ATL1: variants seen among roughly 807,000 people sequenced by gnomAD.
ATL1 encodes atlastin-1.
ATL1 carries 31 observed loss-of-function variants against 75.5 expected under a neutral mutation model. The observed-to-expected ratio is 0.41, with a 90% CI of 0.31 to 0.55. The LOEUF is 0.55. ATL1 is among the 20% of genes least tolerant of loss of function. The pLI is 0.27. For missense variants in ATL1, 405 were observed against 662.6 expected (o/e 0.61, Z 4.27); for synonymous variants, 226 against 233.3 (o/e 0.97, Z 0.28).
intron 1 of ATL1, among the ~76,000 whole-genome samples, chr14:50,565,905 C>T (rs2038898718): frequency 6.6e-6 from 1 of 152,152 alleles, no homozygotes; most frequent in Non-Finnish European, 1.5e-5. Context: ...AAGGAATGAG[C>T]ACCTGTGCCC....
At chr14:50,563,706 T>C (rs1566715323) in intron 1 of ATL1, among the ~76,000 whole-genome samples, 1 of 152,226 alleles carries the variant, frequency 6.6e-6, no homozygotes. Flanking sequence ...AAAGCATCTC[T>C]GCTGACTGCT....
chr14:50,593,673 T>G (rs1338248355), intron 4 of ATL1, among the ~76,000 whole-genome samples, 173 bp from the exon 5 acceptor site: 1 of 152,218 alleles, frequency 6.6e-6, no homozygotes, highest in African/African-American at 2.4e-5. Flanking sequence ...CATTCCTTAT[T>G]GTCTCTCAAG....
At chr14:50,604,021 T>C (rs1259457506) in intron 6 of ATL1, among the ~76,000 whole-genome samples, 1 of 152,250 alleles carries the variant, frequency 6.6e-6, no homozygotes, top group African/African-American at 2.4e-5. Context: ...ATTTATTGCA[T>C]GCTTATTTTG....
At chr14:50,556,148 T>A (rs1595576579), upstream of ATL1, among the ~76,000 whole-genome samples, 1 of 152,238 alleles carries the variant, frequency 6.6e-6, no homozygotes. Context: ...TTTGACTTTT[T>A]AAAAACATTT....
intron 1 of ATL1, among the ~76,000 whole-genome samples, chr14:50,539,375 G>A (rs1347002106): frequency 6.6e-6 from 1 of 152,198 alleles, no homozygotes; most frequent in Non-Finnish European, 1.5e-5. Flanking sequence ...AAGACAAATA[G>A]CTTTGGGTTC....
chr14:50,632,010 T>G (rs957479451), intron 13 of ATL1: 3 of 373,954 alleles, frequency 8.0e-6, no homozygotes, highest in African/African-American at 6.3e-5. Context: ...AGTTTGAGAA[T>G]AAAACATTCA....
At position 50,560,161 on chromosome 14, in the gene ATL1, G is replaced by C; in HGVS notation, c.-105G>C. ...AACATCCTCAGAGTCTGAGCGAACT[G>C]CGCCCAGCGCGGGCACGGAGCCTCC... On this transcript the variant is annotated 5_prime_UTR_variant, in exon 1 of 14. Coordinates refer to ENST00000358385, the MANE Select transcript of ATL1 (RefSeq NM_015915.5). 1 of 1,387,810 alleles carries C rather than the reference G, an allele frequency of 7.2e-7. No individual in the cohort carries two copies. The highest frequency in any genetic ancestry group is 1.2e-5 in the South Asian group (1 of 82,442). 86.0% of individuals were successfully genotyped at this position (1,387,810 alleles called of 1,614,324 possible). A position where few individuals can be genotyped will look rare whatever the true frequency, so the allele number is the denominator to read the frequency against.
chr14:50,615,255 C>T (rs543848038), intron 8 of ATL1, among the ~76,000 whole-genome samples: 6 of 152,152 alleles, frequency 3.9e-5, no homozygotes, highest in Non-Finnish European at 8.8e-5. Context: ...AACTTGAAAG[C>T]GTAGTGTTGA....
At chr14:50,545,319 C>T (rs531709483) in intron 1 of ATL1, among the ~76,000 whole-genome samples, 2 of 152,282 alleles carry the variant, frequency 1.3e-5, no homozygotes, top group Middle Eastern at 6.8e-3. Context: ...TCAGCTCCCT[C>T]CCAGTTTGGG....
At chr14:50,599,996 T>TA (rs1555364534) in intron 6 of ATL1, among the ~76,000 whole-genome samples, 2 of 149,860 alleles carry the variant, frequency 1.3e-5, no homozygotes, top group Non-Finnish European at 3.0e-5. Flanking sequence ...TTTTTTTTTT[T>TA]ATCATTTGTT....
rs752100593 is a variant in ATL1, at chr14:50,628,345, TATG to T, written c.1437_1439del (p.Met479del). The T allele has an allele frequency of 6.2e-7, 1 of 1,614,170 alleles. No individual in the cohort carries two copies. The highest frequency in any genetic ancestry group is 8.5e-7 in the Non-Finnish European group (1 of 1,180,018). On this transcript the variant is annotated inframe_deletion, in exon 12 of 14. Transcript: ENST00000358385. ...TGGACATCATAGCTAGCCTATGCAA[TATG>T]ATAATGGGACTGACCCTTATCACCC...
chr14:50,622,338 G>T (rs1002912518), intron 10 of ATL1, among the ~76,000 whole-genome samples: 1 of 152,132 alleles, frequency 6.6e-6, no homozygotes, highest in African/African-American at 2.4e-5. Flanking sequence ...AGTCCAGCCT[G>T]GGCAACATAG....
chr14:50,544,249 G>A (rs2038599774), intron 1 of ATL1, among the ~76,000 whole-genome samples: 1 of 152,314 alleles, frequency 6.6e-6, no homozygotes, highest in Admixed American at 6.5e-5. Flanking sequence ...AGGGTTATGG[G>A]AAAGTGGAAG....
intron 6 of ATL1, among the ~76,000 whole-genome samples, chr14:50,612,402 A>G (rs1378190427): frequency 3.9e-5 from 6 of 152,124 alleles, no homozygotes; most frequent in Admixed American, 2.0e-4. Flanking sequence ...TATGTGGACT[A>G]TATTCCATTC....
At chr14:50,559,122 ATGGAGGTCCTGTC>A (rs1306774047), upstream of ATL1, 1 of 152,272 alleles carries the variant, frequency 6.6e-6, no homozygotes, top group African/African-American at 2.4e-5. Flanking sequence ...AATCATCAGC[ATGGAGGTCCTGTC>A]TGAAGCCATC....
intron 1 of ATL1, among the ~76,000 whole-genome samples, chr14:50,574,177 A>T (rs1246534496): frequency 6.6e-6 from 1 of 152,136 alleles, no homozygotes; most frequent in African/African-American, 2.4e-5. Flanking sequence ...CAAGTGCCTG[A>T]TTATCTGGTG....
intron 2 of ATL1, among the ~76,000 whole-genome samples, chr14:50,590,225 CTTCCCT>C (rs1456142659): frequency 6.6e-6 from 1 of 152,108 alleles, no homozygotes; most frequent in Non-Finnish European, 1.5e-5. Flanking sequence ...TATCATTTCC[CTTCCCT>C]ACTAACTAGC....
chr14:50,555,992 A>C (rs1210524383), upstream of ATL1, among the ~76,000 whole-genome samples: 1 of 152,206 alleles, frequency 6.6e-6, no homozygotes, highest in African/African-American at 2.4e-5. Flanking sequence ...CCAATGGAAG[A>C]AAAAATAATT....
chr14:50,586,643 T>A (rs183913025), intron 1 of ATL1, among the ~76,000 whole-genome samples: 1 of 152,260 alleles, frequency 6.6e-6, no homozygotes, highest in Admixed American at 6.5e-5. Flanking sequence ...TCTTATGATA[T>A]AAAGCAAACG....
Sources: gnomAD v4.1 joint callset for allele counts (sites outside exome capture counted in the v4.1 genomes callset) on GRCh38, gnomAD v4.1.1 for gene constraint, MANE v1.5 for transcripts, NCBI Gene and HGNC (gene_info 2026-07-23, HGNC 2026-07-21) for gene names.